The following PMEPA1 variants were observed in gnomAD, a reference collection of about 807,000 sequenced individuals.
PMEPA1 encodes protein TMEPAI.
A neutral mutation model predicts 23.0 loss-of-function variants in PMEPA1; 11 were observed. The ratio of observed to expected loss-of-function variants is 0.48; its 90% CI spans 0.30 to 0.79. PMEPA1 has a LOEUF of 0.79. Ranked by LOEUF, PMEPA1 falls within the 30% of genes least tolerant of loss-of-function variation. The pLI, the probability that PMEPA1 is intolerant of heterozygous loss-of-function variation, is 0.06. For missense variants in PMEPA1, 377 were observed against 390.9 expected (o/e 0.96, Z 0.30); for synonymous variants, 204 against 166.4 (o/e 1.23, Z -1.74).
intron 1 of PMEPA1, among the ~76,000 whole-genome samples, chr20:57,697,067 G>A (rs2071951505): frequency 6.6e-6 from 1 of 152,164 alleles, no homozygotes; most frequent in African/African-American, 2.4e-5. Flanking sequence ...TCTACAGATG[G>A]GGAACGTCCT....
intron 1 of PMEPA1, among the ~76,000 whole-genome samples, chr20:57,660,259 T>C (rs909687041): frequency 6.6e-6 from 1 of 152,012 alleles, no homozygotes; most frequent in Non-Finnish European, 1.5e-5. Context: ...AGGAGCTACA[T>C]GTGAACGTGT....
intron 1 of PMEPA1, among the ~76,000 whole-genome samples, chr20:57,681,560 A>T (rs2071714548): frequency 6.6e-6 from 1 of 152,188 alleles, no homozygotes; most frequent in Non-Finnish European, 1.5e-5. Context: ...TTCACTGCTT[A>T]AAATAACCAA....
intron 1 of PMEPA1, among the ~76,000 whole-genome samples, chr20:57,684,326 C>A (rs1342694316): frequency 1.3e-5 from 2 of 152,000 alleles, no homozygotes; most frequent in African/African-American, 4.8e-5. Flanking sequence ...TTCTCTCCAC[C>A]CCGCAGCCCT....
upstream of PMEPA1, chr20:57,710,720 C>T (rs572003794): frequency 1.3e-5 from 6 of 457,638 alleles, no homozygotes; most frequent in Non-Finnish European, 2.3e-5. Context: ...GGCTGGGGGG[C>T]GCGGCTGCGG....
chr20:57,706,389 T>G (rs6015062), intron 1 of PMEPA1, among the ~76,000 whole-genome samples: 10,277 of 152,240 alleles, frequency 0.068, 662 homozygotes, highest in African/African-American at 0.16. Flanking sequence ...AAGTAGCCGC[T>G]TCAAGCTCCA....
In PMEPA1 at chr20:57,649,909, A is replaced by G. The variant is rs1236804708; in HGVS notation, c.*2144T>C. On this transcript the variant is annotated 3_prime_UTR_variant, in exon 4 of 4. Coordinates refer to ENST00000341744, the MANE Select transcript of PMEPA1 (RefSeq NM_020182.5). ...CAGTAAGGCACTAGAGACGCGTCACATAAAGGAAAGATACGTTTTAATCAT... is the reference window on the plus strand; with the variant it reads ...CAGTAAGGCACTAGAGACGCGTCACGTAAAGGAAAGATACGTTTTAATCAT... 1.3e-5 allele frequency: 2 copies of G among 152,650 alleles called. No individual in the cohort carries two copies. The highest frequency in any genetic ancestry group is 2.9e-5 in the Non-Finnish European group (2 of 68,050). The allele number at this position is 152,650 out of a possible 1,614,324, so 9.5% of individuals were successfully genotyped here. A position where few individuals can be genotyped will look rare whatever the true frequency, so the allele number is the denominator to read the frequency against.
intron 1 of PMEPA1, among the ~76,000 whole-genome samples, chr20:57,693,708 A>AT (rs60502125): frequency 0.072 from 10,849 of 150,884 alleles, 869 homozygotes; most frequent in African/African-American, 0.2. Context: ...AATTAAGGAG[A>AT]TTTTTTTTTT....
At chr20:57,703,120 C>G (rs1036489728) in intron 1 of PMEPA1, among the ~76,000 whole-genome samples, 3 of 152,200 alleles carry the variant, frequency 2.0e-5, no homozygotes, top group African/African-American at 7.2e-5. Context: ...GGTTGACTGT[C>G]AGTACTCGGC....
Position 57,650,264 on chromosome 20 carries a change from T to C in PMEPA1, c.*1789A>G, listed in dbSNP as rs2071206373. ...GTTATTGCCTTTTATATCTTTTATG[T>C]TAGTCTACTAGTCAGCATTCTGCCC... On this transcript the variant is annotated 3_prime_UTR_variant, in exon 4 of 4. Transcript: ENST00000341744. The C allele has an allele frequency of 6.6e-6, 1 of 152,260 alleles. No homozygotes were observed. Among genetic ancestry groups the C allele is most frequent in the Non-Finnish European group, 1.5e-5 (1 of 68,052 alleles). 9.4% of individuals were successfully genotyped at this position (152,260 alleles called of 1,614,324 possible).
chr20:57,686,971 G>A (rs1174059511), intron 1 of PMEPA1, among the ~76,000 whole-genome samples: 1 of 152,272 alleles, frequency 6.6e-6, no homozygotes, highest in South Asian at 2.1e-4. Context: ...GATGGGCTAT[G>A]TCAGAGGACT....
chr20:57,687,854 T>C (rs953758684), intron 1 of PMEPA1, among the ~76,000 whole-genome samples: 17 of 152,170 alleles, frequency 1.1e-4, no homozygotes, highest in Non-Finnish European at 2.9e-5. Flanking sequence ...CCCAAACTCA[T>C]TTCCAGCCCA....
chr20:57,652,730 G>C lies in PMEPA1; in HGVS notation c.319-132C>G. On this transcript the variant is annotated intron_variant, in intron 3 of 3. Coordinates refer to ENST00000341744, the MANE Select transcript of PMEPA1 (RefSeq NM_020182.5). The surrounding 1 kb of genome is among the most constrained non-coding windows in gnomAD (Gnocchi z 6.1). ...AAAGGGAGAGGGCAGCAGGGCTGGC[G>C]GGGGCGGGAGCCCAGAGCCTGATCC... 1.1e-6 allele frequency: 1 copy of C among 871,324 alleles called. No homozygotes were observed. The highest frequency in any genetic ancestry group is 1.7e-6 in the Non-Finnish European group (1 of 585,232). 54.0% of individuals were successfully genotyped at this position (871,324 alleles called of 1,614,324 possible).
At position 57,683,554 on chromosome 20, in the gene PMEPA1, C is replaced by CGTGCGTGTGTGT. The variant is rs2071752507; in HGVS notation, c.110-23858_110-23857insACACACACGCAC. Among the ~76,000 whole-genome samples the CGTGCGTGTGTGT allele has an allele frequency of 1.8e-4, 19 of 106,310 alleles. No individual in the cohort carries two copies. Among genetic ancestry groups the CGTGCGTGTGTGT allele is most frequent in the African/African-American group, 4.7e-4 (18 of 38,130 alleles). 69.7% of individuals were successfully genotyped at this position (106,310 alleles called of 152,430 possible). ...CGGTGGTGGTGTTCTGGCCTGTGTGCGTGTGTGTGTGTGTGTGTGTGTGTG... is the reference window on the plus strand; with the variant it reads ...CGGTGGTGGTGTTCTGGCCTGTGTGCGTGCGTGTGTGTGTGTGTGTGTGTGTGTGTGTGTGTG... On this transcript the variant is annotated intron_variant, in intron 1 of 3. Coordinates refer to ENST00000341744, the MANE Select transcript of PMEPA1 (RefSeq NM_020182.5). This position sits in a 1 kb window ranked among gnomAD's most constrained non-coding sequence, Gnocchi z 4.3.
chr20:57,674,263 TC>T (rs1294575197), intron 1 of PMEPA1, among the ~76,000 whole-genome samples: 2 of 151,770 alleles, frequency 1.3e-5, no homozygotes, highest in African/African-American at 4.8e-5. Flanking sequence ...GCTCATTCTC[TC>T]CCCCCTCCTT....
At chr20:57,691,412 G>A (rs2071880347) in intron 1 of PMEPA1, among the ~76,000 whole-genome samples, 2 of 152,168 alleles carry the variant, frequency 1.3e-5, no homozygotes, top group Non-Finnish European at 2.9e-5. Flanking sequence ...ACAGACCGAG[G>A]ACCAGTCAAG....
chr20:57,691,464 G>C (rs541170425), intron 1 of PMEPA1, among the ~76,000 whole-genome samples: 2 of 152,260 alleles, frequency 1.3e-5, no homozygotes, highest in South Asian at 4.1e-4. Flanking sequence ...CTCTGGGCTG[G>C]TCTAGGAGGG....
intron 1 of PMEPA1, among the ~76,000 whole-genome samples, chr20:57,672,556 G>A (rs1254244128): frequency 6.6e-6 from 1 of 152,220 alleles, no homozygotes; most frequent in African/African-American, 2.4e-5. Context: ...AGGGTCAGTC[G>A]GCGACGGGCA....
chr20:57,695,010 C>G (rs1859156238), intron 1 of PMEPA1, among the ~76,000 whole-genome samples: 1 of 152,250 alleles, frequency 6.6e-6, no homozygotes, highest in Admixed American at 6.5e-5. Flanking sequence ...GTCAGCCCAT[C>G]TCACTCCAAT....
At chr20:57,677,912 T>C (rs908215594) in intron 1 of PMEPA1, among the ~76,000 whole-genome samples, 6 of 152,256 alleles carry the variant, frequency 3.9e-5, no homozygotes, top group Non-Finnish European at 5.9e-5. Context: ...TGGAGACATC[T>C]TCAGAGAATT....
Sources: gnomAD v4.1 joint callset for allele counts (sites outside exome capture counted in the v4.1 genomes callset) on GRCh38, gnomAD v4.1.1 for gene constraint, Gnocchi (gnomAD v3.1) non-coding constraint, MANE v1.5 for transcripts, NCBI Gene and HGNC (gene_info 2026-07-23, HGNC 2026-07-21) for gene names.